The following KLHL30 variants were observed in gnomAD, a reference collection of about 807,000 sequenced individuals.
KLHL30 encodes kelch like family member 30, also known as kelch-like protein 30.
Under a neutral mutation model 55.0 loss-of-function variants are expected in KLHL30, and 55 were observed. The observed-to-expected ratio is 1.00, with a 90% CI of 0.80 to 1.25. KLHL30 has a LOEUF of 1.25. Among genes scored for constraint, KLHL30 ranks in the 50% most tolerant of loss-of-function variants. The probability of loss-of-function intolerance (pLI) is 0.00; values close to 1 mark genes in which losing one functional copy is unlikely to be tolerated. For synonymous variants in KLHL30, 356 were observed against 372.6 expected, an observed-to-expected ratio of 0.96 and a Z score of 0.51; for missense variants, 786 against 811.6, an observed-to-expected ratio of 0.97 and a Z score of 0.38.
rs368341503 is a variant in KLHL30, at chr2:238,141,538, C to T, written c.774+10C>T. 4.8e-4 allele frequency: 689 copies of T among 1,434,714 alleles called. 1 individual carries two copies. The highest frequency in any genetic ancestry group is 3.9e-3 in the Middle Eastern group (19 of 4,832). 88.9% of individuals were successfully genotyped at this position (1,434,714 alleles called of 1,614,324 possible). ...CCAGGGCCATGATGGGGTGAGTGAG[C>T]GGCTGGGAGGCCCCATCCCTGGGAA... On this transcript the variant is annotated intron_variant, in intron 2 of 7. Coordinates refer to ENST00000409223, the MANE Select transcript of KLHL30 (RefSeq NM_198582.4).
rs1380184943 is a variant in KLHL30 at position 238,144,914 on chromosome 2, C to T, written c.920C>T (p.Ala307Val). Reference sequence around the variant, plus strand: ...CTCTTCCTGCCAGAGAGGTGGATGGCACTTCCAGACTTCCCCGACTATCAC... The same window carrying T: ...CTCTTCCTGCCAGAGAGGTGGATGGTACTTCCAGACTTCCCCGACTATCAC... ...FYNSKAKRWM[A>V]LPDFPDYHKW... Residue 307 changes from alanine to valine, a missense_variant, in exon 4 of 8, where the codon GCA becomes GTA. Coordinates refer to ENST00000409223, the MANE Select transcript of KLHL30 (RefSeq NM_198582.4). 2 of 1,610,296 alleles carry T rather than the reference C, an allele frequency of 1.2e-6. No individual in the cohort carries two copies. Among genetic ancestry groups the T allele is most frequent in the East Asian group, 4.5e-5 (2 of 44,780 alleles).
chr2:238,139,208 T>C (rs191018176), intron 1 of KLHL30, among the ~76,000 whole-genome samples: 2,119 of 152,268 alleles, frequency 0.014, 47 homozygotes, highest in African/African-American at 0.048. Context: ...GGGGCGCTCA[T>C]GCGTGCCTGC....
rs1692668946 is a variant in KLHL30, at chr2:238,147,558, C to G, written c.1151-276C>G. Reference sequence around the variant, plus strand: ...GGCCTGGGGGCGGGCAGCCTCCTGACAGCTCCCCGCCACCCCGTTCCCAAA... The same window carrying G: ...GGCCTGGGGGCGGGCAGCCTCCTGAGAGCTCCCCGCCACCCCGTTCCCAAA... On this transcript the variant is annotated intron_variant, in intron 5 of 7. Coordinates refer to ENST00000409223, the MANE Select transcript of KLHL30 (RefSeq NM_198582.4). The surrounding 1 kb of genome is among the most constrained non-coding windows in gnomAD (Gnocchi z 5.8). Among the ~76,000 whole-genome samples, 1 of 152,150 alleles carries G rather than the reference C, an allele frequency of 6.6e-6. No homozygotes were observed. Among genetic ancestry groups the G allele is most frequent in the Non-Finnish European group, 1.5e-5 (1 of 67,996 alleles).
Position 238,147,737 on chromosome 2 carries a change from TC to T in KLHL30, c.1151-94del, listed in dbSNP as rs1692672352. The T allele has an allele frequency of 1.4e-6, 1 of 730,770 alleles. No individual in the cohort carries two copies. Among genetic ancestry groups the T allele is most frequent in the South Asian group, 3.3e-5 (1 of 30,162 alleles). 45.3% of individuals were successfully genotyped at this position (730,770 alleles called of 1,614,324 possible). A position where few individuals can be genotyped will look rare whatever the true frequency, so the allele number is the denominator to read the frequency against. ...TGTGAAATGGGGAGCCCACCCCACC[TC>T]CCACCACTTTGCTGCCTTACAAAGC... On this transcript the variant is annotated intron_variant, in intron 5 of 7. Transcript: ENST00000409223. The surrounding 1 kb of genome is among the most constrained non-coding windows in gnomAD (Gnocchi z 5.8).
chr2:238,147,523 G>T lies in KLHL30; in HGVS notation c.1151-311G>T, dbSNP rs1017638202. On this transcript the variant is annotated intron_variant, in intron 5 of 7. Coordinates refer to ENST00000409223, the MANE Select transcript of KLHL30 (RefSeq NM_198582.4). The surrounding 1 kb of genome is among the most constrained non-coding windows in gnomAD (Gnocchi z 5.8). ...AGAGCACCCCAGGAAATGACTCCCA[G>T]CACATGAGGGGCCTGGGGGCGGGCA... Among the ~76,000 whole-genome samples the T allele has an allele frequency of 1.3e-5, 2 of 152,120 alleles. No individual in the cohort carries two copies. Among genetic ancestry groups the T allele is most frequent in the African/African-American group, 4.8e-5 (2 of 41,422 alleles).
intron 1 of KLHL30, among the ~76,000 whole-genome samples, chr2:238,139,229 G>A (rs1692486016): frequency 1.3e-5 from 2 of 152,204 alleles, no homozygotes; most frequent in Non-Finnish European, 2.9e-5. Flanking sequence ...CCATCGCCCG[G>A]CAGCAGCTGG....
chr2:238,151,043 C>T lies in KLHL30; in HGVS notation c.1715C>T (p.Ser572Phe), dbSNP rs2106315298. The T allele has an allele frequency of 6.3e-7, 1 of 1,592,274 alleles. No homozygotes were observed. Reference sequence around the variant, plus strand: ...GATGTCTCCAAGTGGACCCAGCCCTCCGGCCCCACCCAGGAGCACTAAACC... The same window carrying T: ...GATGTCTCCAAGTGGACCCAGCCCTTCGGCCCCACCCAGGAGCACTAAACC... ...FLDVSKWTQPSGPTQEH is the reference protein window; with the variant it reads ...FLDVSKWTQPFGPTQEH The change falls in exon 8 of 8, where the codon TCC becomes TTC. Residue 572 changes from serine (S) to phenylalanine (F), a missense_variant. By Grantham distance (155) the Ser-to-Phe change is radical. Transcript: ENST00000409223.
intron 6 of KLHL30, 37 bp from the exon 7 acceptor site, chr2:238,148,970 C>A: frequency 1.3e-6 from 2 of 1,556,804 alleles, no homozygotes; most frequent in Non-Finnish European, 8.7e-7. Flanking sequence ...GCTCTGGCAA[C>A]CCTGGTGACG....
chr2:238,147,847 C>G lies in KLHL30; in HGVS notation c.1164C>G (p.Asp388Glu). The change falls in exon 6 of 8, where the codon GAC becomes GAG. Residue 388 changes from aspartate (D) to glutamate (E), a missense_variant. Physicochemically the swap from Asp to Glu is conservative, Grantham distance 45. Coordinates refer to ENST00000409223, the MANE Select transcript of KLHL30 (RefSeq NM_198582.4). This position sits in a 1 kb window ranked among gnomAD's most constrained non-coding sequence, Gnocchi z 5.8. Reference sequence around the variant, plus strand: ...CTCACCCCACAGGCACCACCCTGGACGTGGTGGAGGTGGAGAGCTATGACC... The same window carrying G: ...CTCACCCCACAGGCACCACCCTGGAGGTGGTGGAGGTGGAGAGCTATGACC... ...EIYVIGGTTL[D>E]VVEVESYDPY... 1 of 1,518,434 alleles carries G rather than the reference C, an allele frequency of 6.6e-7. No homozygotes were observed. Among genetic ancestry groups the G allele is most frequent in the Non-Finnish European group, 8.9e-7 (1 of 1,127,000 alleles). 94.1% of individuals were successfully genotyped at this position (1,518,434 alleles called of 1,614,324 possible). A position where few individuals can be genotyped will look rare whatever the true frequency, so the allele number is the denominator to read the frequency against.
chr2:238,141,464 C>T lies in KLHL30; in HGVS notation c.710C>T (p.Ala237Val). The T allele has an allele frequency of 6.6e-7, 1 of 1,518,814 alleles. No individual in the cohort carries two copies. The highest frequency in any genetic ancestry group is 1.2e-5 in the South Asian group (1 of 80,734). 94.1% of individuals were successfully genotyped at this position (1,518,814 alleles called of 1,614,324 possible). Residue 237 changes from alanine (A) to valine (V), a missense_variant, in exon 2 of 8, where the codon GCC (alanine) becomes GTC (valine). By Grantham distance (64) the Ala-to-Val change is moderately conservative. Transcript: ENST00000409223. ...AGGCCCTGCGTGCAGCAACTGCTGG[C>T]CTCAGAGCCCCTGATCCAGGAGTCA... ...VPRPCVQQLL[A>V]SEPLIQESEA...
At chr2:238,140,582 T>C in intron 1 of KLHL30, 103 bp from the exon 2 acceptor site, 1 of 625,518 alleles carries the variant, frequency 1.6e-6, no homozygotes, top group Non-Finnish European at 2.7e-6. Context: ...ATGCCCATCC[T>C]GTGTTTATCA....
intron 7 of KLHL30, 87 bp downstream of exon 7, chr2:238,149,239 TGC>T: frequency 6.5e-7 from 1 of 1,547,380 alleles, no homozygotes. Flanking sequence ...AGGGATGGGG[TGC>T]CACAGAGGGC....
intron 2 of KLHL30, 57 bp downstream of exon 2, chr2:238,141,585 AC>A: frequency 7.0e-7 from 1 of 1,421,186 alleles, no homozygotes; most frequent in Admixed American, 2.9e-5. Context: ...AGCCCCAGAG[AC>A]CCCACCTGAG....
chr2:238,139,899 T>C (rs1484938703), intron 1 of KLHL30, among the ~76,000 whole-genome samples: 1 of 152,186 alleles, frequency 6.6e-6, no homozygotes, highest in Non-Finnish European at 1.5e-5. Flanking sequence ...TGCACATAAT[T>C]ACATGAGCCT....
intron 3 of KLHL30, 64 bp downstream of exon 3, chr2:238,142,995 T>C: frequency 6.9e-7 from 1 of 1,458,866 alleles, no homozygotes. Context: ...AGCCGCTGTG[T>C]CCTCCTTGCA....
At chr2:238,140,590 T>C (rs1692512975) in intron 1 of KLHL30, 95 bp from the exon 2 acceptor site, 1 of 653,846 alleles carries the variant, frequency 1.5e-6, no homozygotes, top group Non-Finnish European at 2.6e-6. Flanking sequence ...CCTGTGTTTA[T>C]CAAGGGGTGG....
At position 238,151,167 on chromosome 2, in the gene KLHL30, A is replaced by T; in HGVS notation, c.*102A>T. The T allele has an allele frequency of 6.9e-7, 1 of 1,453,388 alleles. No individual in the cohort carries two copies. Among genetic ancestry groups the T allele is most frequent in the South Asian group, 1.4e-5 (1 of 72,772 alleles). 90.0% of individuals were successfully genotyped at this position (1,453,388 alleles called of 1,614,324 possible). A position where few individuals can be genotyped will look rare whatever the true frequency, so the allele number is the denominator to read the frequency against. On this transcript the variant is annotated 3_prime_UTR_variant, in exon 8 of 8. Transcript: ENST00000409223. ...GCTTATTTGTTCACTCGGAGCTACC[A>T]TTCCTTCCAAGCTGCGCTCAGGCCA...
rs1225394274 is a variant in KLHL30, at chr2:238,142,505, C to G, written c.775-294C>G. On this transcript the variant is annotated intron_variant, in intron 2 of 7. Transcript: ENST00000409223. ...GCCAGCATTTCCCACTGAGCCGGGACACCCTCGTGCCGCCTGCTGGAGGCC... is the reference window on the plus strand; with the variant it reads ...GCCAGCATTTCCCACTGAGCCGGGAGACCCTCGTGCCGCCTGCTGGAGGCC... Among the ~76,000 whole-genome samples the G allele has an allele frequency of 5.3e-5, 8 of 152,314 alleles. 1 individual carries two copies. The highest frequency in any genetic ancestry group is 3.4e-3 in the Middle Eastern group (1 of 294).
chr2:238,143,139 G>C (rs1204710527), intron 3 of KLHL30, among the ~76,000 whole-genome samples: 2 of 152,278 alleles, frequency 1.3e-5, no homozygotes, highest in African/African-American at 4.8e-5. Flanking sequence ...GGCGGGCACT[G>C]CTGCTCCCTC....
Sources: allele counts gnomAD v4.1 joint callset (sites outside exome capture counted in the v4.1 genomes callset), GRCh38; gene constraint gnomAD v4.1.1; non-coding constraint Gnocchi (gnomAD v3.1); transcripts MANE v1.5; gene names NCBI Gene and HGNC (gene_info 2026-07-23, HGNC 2026-07-21).